DACH2: variants seen among roughly 807,000 people sequenced by gnomAD.
DACH2 encodes the protein dachshund homolog 2.
DACH2 carries 17 observed loss-of-function variants against 35.8 expected under a neutral mutation model. The observed-to-expected ratio is 0.48, with a 90% CI of 0.33 to 0.71. DACH2 has a LOEUF of 0.71. Among genes scored for constraint, DACH2 ranks in the 30% least tolerant of loss-of-function variants. The pLI is 0.02. For synonymous variants in DACH2, 195 were observed against 177.3 expected, an observed-to-expected ratio of 1.10 and a Z score of -0.79; for missense variants, 469 against 472.7, an observed-to-expected ratio of 0.99 and a Z score of 0.07.
Position 86,185,769 on chromosome X carries a change from T to A in DACH2, c.488+36661T>A, listed in dbSNP as rs2031662676. ...AATAATTTTCTAACATTATTTAGTT[T>A]AAAAACCTGATTTATTACATTGTAT... On this transcript the variant is annotated intron_variant, in intron 1 of 11. Coordinates refer to ENST00000373125, the MANE Select transcript of DACH2 (RefSeq NM_053281.3). 3.6e-5 allele frequency among the ~76,000 whole-genome samples: 4 copies of A among 112,256 alleles called. No individual in the cohort carries two copies. The Admixed American group carries it at 3.8e-4, about 11-fold the overall frequency.
intron 2 of DACH2, among the ~76,000 whole-genome samples, chrX:86,390,973 T>C (rs2036191553): frequency 9.1e-6 from 1 of 110,262 alleles, no homozygotes; most frequent in Non-Finnish European, 1.9e-5. Context: ...AATTCTTTAA[T>C]ATTTGGAGCT....
rs185387942 is a variant in DACH2 at position 86,748,140 on chromosome X, C to T, written c.1240+8258C>T. On this transcript the variant is annotated intron_variant, in intron 7 of 11. Coordinates refer to ENST00000373125, the MANE Select transcript of DACH2 (RefSeq NM_053281.3). The stretch of plus-strand genomic sequence containing the variant: ...AGTACTTTTGCGATTTTCACATGTG[C>T]AGTGACTTCCTCCACTGAAGTCTTG... Among the ~76,000 whole-genome samples, 12 of 112,095 alleles carry T rather than the reference C, an allele frequency of 1.1e-4. No individual in the cohort carries two copies. In the East Asian group the frequency reaches 3.1e-3, roughly 29 times the overall value.
At chrX:86,395,294 T>A (rs1569376353) in intron 2 of DACH2, among the ~76,000 whole-genome samples, 2 of 111,803 alleles carry the variant, frequency 1.8e-5, no homozygotes, top group Non-Finnish European at 3.8e-5. Context: ...TTAGTAAAAT[T>A]GTACATAATT....
At chrX:86,355,270 G>A (rs980727758) in intron 1 of DACH2, among the ~76,000 whole-genome samples, 2 of 111,772 alleles carry the variant, frequency 1.8e-5, no homozygotes, top group Non-Finnish European at 3.8e-5. Context: ...ATTTCATGGT[G>A]TCCATACATA....
intron 5 of DACH2, 59 bp from the exon 6 acceptor site, chrX:86,714,489 T>A (rs2041313090): frequency 9.8e-7 from 1 of 1,016,286 alleles, no homozygotes; most frequent in African/African-American, 1.9e-5. Context: ...AGGTACTTTT[T>A]AACAAACTAT....
chrX:86,286,854 AT>A (rs1331771466), intron 1 of DACH2, among the ~76,000 whole-genome samples: 2 of 111,930 alleles, frequency 1.8e-5, no homozygotes, highest in Non-Finnish European at 3.8e-5. Flanking sequence ...TGTAGTTATT[AT>A]TTTTTATTCA....
At chrX:86,384,632 T>C (rs971335068) in intron 2 of DACH2, among the ~76,000 whole-genome samples, 3 of 111,770 alleles carry the variant, frequency 2.7e-5, no homozygotes, top group Admixed American at 9.5e-5. Flanking sequence ...TAGGCTATCA[T>C]TGGAATTTTT....
intron 11 of DACH2, among the ~76,000 whole-genome samples, chrX:86,818,910 T>C (rs1382631019): frequency 9.1e-6 from 1 of 109,328 alleles, no homozygotes; most frequent in Non-Finnish European, 1.9e-5. Context: ...AAAAGTAATA[T>C]CCAGTTTTAT....
intron 3 of DACH2, among the ~76,000 whole-genome samples, chrX:86,594,153 T>A (rs189031428): frequency 8.9e-6 from 1 of 111,805 alleles, no homozygotes; most frequent in Non-Finnish European, 1.9e-5. Flanking sequence ...ATAATATTCC[T>A]TTATTATTTT....
At chrX:86,278,192 T>G (rs771929885) in intron 1 of DACH2, among the ~76,000 whole-genome samples, 4 of 112,048 alleles carry the variant, frequency 3.6e-5, no homozygotes, top group Non-Finnish European at 5.6e-5. Context: ...ATCGATGAGA[T>G]GAACTGAAAA....
chrX:86,413,034 C>A (rs1308848327), intron 2 of DACH2, among the ~76,000 whole-genome samples: 2 of 111,693 alleles, frequency 1.8e-5, no homozygotes, highest in Non-Finnish European at 3.8e-5. Context: ...TTACCCTTCA[C>A]TTTAGAAGGA....
At chrX:86,336,982 T>A (rs185069939) in intron 1 of DACH2, among the ~76,000 whole-genome samples, 73 of 107,953 alleles carry the variant, frequency 6.8e-4, no homozygotes, top group African/African-American at 2.4e-3. Flanking sequence ...TATCAGAGAT[T>A]GAAGATCAAC....
At chrX:86,470,493 G>A (rs774188867) in intron 2 of DACH2, among the ~76,000 whole-genome samples, 10 of 110,977 alleles carry the variant, frequency 9.0e-5, no homozygotes, top group East Asian at 2.8e-4. Flanking sequence ...TTAATTTTAC[G>A]GCAGTTTCAT....
At chrX:86,183,132 A>T (rs2031553902) in intron 1 of DACH2, among the ~76,000 whole-genome samples, 1 of 111,836 alleles carries the variant, frequency 8.9e-6, no homozygotes. Context: ...AACAGAGACA[A>T]TTTGACTTCT....
intron 2 of DACH2, among the ~76,000 whole-genome samples, chrX:86,480,171 A>G (rs891049545): frequency 1.1e-4 from 12 of 112,452 alleles, no homozygotes; most frequent in Non-Finnish European, 2.3e-4. Flanking sequence ...TTAAAGCCAT[A>G]TCTACATCAA....
intron 7 of DACH2, among the ~76,000 whole-genome samples, chrX:86,811,749 G>A (rs2042396929): frequency 8.9e-6 from 1 of 111,811 alleles, no homozygotes; most frequent in Non-Finnish European, 1.9e-5. Flanking sequence ...CGTAGTTACA[G>A]AAGAAAATTT....
intron 6 of DACH2, among the ~76,000 whole-genome samples, chrX:86,719,492 T>C (rs756835628): frequency 6.3e-5 from 7 of 111,495 alleles, no homozygotes; most frequent in Non-Finnish European, 1.1e-4. Context: ...TATTAGTTCA[T>C]TCTCAAGCTG....
intron 2 of DACH2, among the ~76,000 whole-genome samples, chrX:86,464,259 T>G (rs1049502225): frequency 9.0e-6 from 1 of 111,445 alleles, no homozygotes; most frequent in African/African-American, 3.3e-5. Context: ...AGCAAAGACT[T>G]GGAACCAACC....
At chrX:86,391,322 A>AAAAAAAAAT in intron 2 of DACH2, among the ~76,000 whole-genome samples, 1 of 75,832 alleles carries the variant, frequency 1.3e-5, no homozygotes, top group Non-Finnish European at 2.5e-5. Flanking sequence ...AAAAAAAAAA[A>AAAAAAAAAT]GACTGGTTTC....
Sources: allele counts gnomAD v4.1 joint callset (sites outside exome capture counted in the v4.1 genomes callset), GRCh38; gene constraint gnomAD v4.1.1; transcripts MANE v1.5; gene names NCBI Gene and HGNC (gene_info 2026-07-23, HGNC 2026-07-21).